Variants in CNOT2 observed in about 807,000 individuals in gnomAD.
CNOT2 encodes the protein CCR4-NOT transcription complex subunit 2.
Under a neutral mutation model 72.1 loss-of-function variants are expected in CNOT2, and 7 were observed. That is an observed-to-expected ratio of 0.10 (90% CI 0.06 to 0.18). The LOEUF (loss-of-function observed/expected upper bound fraction) is 0.18. Among genes scored for constraint, CNOT2 ranks in the 10% least tolerant of loss-of-function variants. The pLI is 1.00. For synonymous variants in CNOT2, 196 were observed against 225.6 expected, an observed-to-expected ratio of 0.87 and a Z score of 1.17; for missense variants, 345 against 660.3, an observed-to-expected ratio of 0.52 and a Z score of 5.23.
intron 4 of CNOT2, chr12:70,327,682 C>A (rs1444810827): frequency 6.6e-6 from 1 of 151,856 alleles, no homozygotes; most frequent in East Asian, 1.9e-4. Flanking sequence ...TTCAGGACAG[C>A]ATGTTTAGGG....
chr12:70,312,398 G>T (rs1177845747), intron 3 of CNOT2, among the ~76,000 whole-genome samples: 1 of 151,870 alleles, frequency 6.6e-6, no homozygotes, highest in Non-Finnish European at 1.5e-5. Context: ...CTGATGAAAT[G>T]CATTTATTCT....
rs118076002 is a variant in CNOT2, at chr12:70,340,629, C to T, written c.1179-1478C>T. On this transcript the variant is annotated intron_variant, in intron 11 of 15. Transcript: ENST00000229195. ...TTCTTAACTCCTCTTTCTTTTATAC[C>T]CCATAATCAGGCTTTTCCCAAAATA... is the stretch of plus-strand genomic sequence containing the variant. Among the ~76,000 whole-genome samples, 20 of 152,098 alleles carry T rather than the reference C, an allele frequency of 1.3e-4. No homozygotes were observed. In the East Asian group the frequency reaches 3.3e-3, roughly 25 times the overall value.
intron 2 of CNOT2, chr12:70,307,951 C>G (rs1013026117): frequency 6.6e-6 from 1 of 151,554 alleles, no homozygotes; most frequent in Admixed American, 6.6e-5. Context: ...CCTAAATCCT[C>G]TCTTGATTTC....
At chr12:70,281,093 T>C (rs1233937147) in intron 2 of CNOT2, among the ~76,000 whole-genome samples, 1 of 151,022 alleles carries the variant, frequency 6.6e-6, no homozygotes, top group Non-Finnish European at 1.5e-5. Flanking sequence ...CCTTTTTTTT[T>C]TTTTTTCTTT....
intron 7 of CNOT2, among the ~76,000 whole-genome samples, chr12:70,333,345 A>G (rs1020885009): frequency 2.0e-5 from 3 of 152,058 alleles, no homozygotes; most frequent in Admixed American, 6.6e-5. Flanking sequence ...ATTCAGTTTT[A>G]TGTATAAAAT....
intron 15 of CNOT2, among the ~76,000 whole-genome samples, chr12:70,346,876 CACTT>C (rs748142603): frequency 4.0e-5 from 6 of 151,530 alleles, no homozygotes; most frequent in Non-Finnish European, 8.8e-5. Flanking sequence ...AACTTTTCCT[CACTT>C]AAACGCCTTT....
At chr12:70,289,012 GCTTT>G (rs1871399455) in intron 2 of CNOT2, among the ~76,000 whole-genome samples, 1 of 148,880 alleles carries the variant, frequency 6.7e-6, no homozygotes, top group Non-Finnish European at 1.5e-5. Flanking sequence ...CTCTCCTTTC[GCTTT>G]TTTTTTATTC....
At chr12:70,260,289 C>G (rs902200249) in intron 1 of CNOT2, among the ~76,000 whole-genome samples, 1 of 151,742 alleles carries the variant, frequency 6.6e-6, no homozygotes, top group Non-Finnish European at 1.5e-5. Flanking sequence ...AATTGAGTAC[C>G]AAAATAGACT....
chr12:70,297,765 T>G (rs2135896109), intron 2 of CNOT2: 1 of 370,202 alleles, frequency 2.7e-6, no homozygotes, highest in Non-Finnish European at 5.3e-6. Flanking sequence ...TGAGACGTGG[T>G]CTCACTCTGT....
At chr12:70,282,848 T>A (rs560435058) in intron 2 of CNOT2, among the ~76,000 whole-genome samples, 1 of 152,212 alleles carries the variant, frequency 6.6e-6, no homozygotes, top group South Asian at 2.1e-4. Context: ...CCATATTTTA[T>A]TATTTTGAGT....
intron 15 of CNOT2, 133 bp from the exon 16 acceptor site, chr12:70,353,696 A>G: frequency 7.1e-7 from 1 of 1,404,784 alleles, no homozygotes; most frequent in South Asian, 1.4e-5. Flanking sequence ...GTAGAGGAAA[A>G]ACAGTTGGTA....
intron 2 of CNOT2, among the ~76,000 whole-genome samples, chr12:70,302,522 G>A (rs1874235913): frequency 6.6e-6 from 1 of 152,170 alleles, no homozygotes; most frequent in South Asian, 2.1e-4. Context: ...GTAGTTGAGA[G>A]GTTTTGAGTG....
At chr12:70,271,036 G>T (rs1054270864) in intron 1 of CNOT2, among the ~76,000 whole-genome samples, 3 of 152,170 alleles carry the variant, frequency 2.0e-5, no homozygotes, top group Admixed American at 2.0e-4. Flanking sequence ...CATATCTGGA[G>T]GAATGGAAGC....
At chr12:70,340,474 C>A (rs1166260575) in intron 11 of CNOT2, among the ~76,000 whole-genome samples, 1 of 152,148 alleles carries the variant, frequency 6.6e-6, no homozygotes, top group African/African-American at 2.4e-5. Context: ...TTCCACACTT[C>A]TGAGTTTGAG....
chr12:70,274,797 GTTTGT>G (rs1267601002), intron 1 of CNOT2, among the ~76,000 whole-genome samples: 1 of 152,022 alleles, frequency 6.6e-6, no homozygotes, highest in Admixed American at 6.6e-5. Flanking sequence ...TTGGGGTCTG[GTTTGT>G]TTCCTGTAAT....
chr12:70,304,177 C>A (rs758628440), intron 2 of CNOT2, among the ~76,000 whole-genome samples: 5 of 151,622 alleles, frequency 3.3e-5, no homozygotes, highest in Non-Finnish European at 7.4e-5. Context: ...GTAGTTTGAT[C>A]TTCTGAAGCC....
At position 70,344,004 on chromosome 12, in the gene CNOT2, A is replaced by C. The variant is rs148192435; in HGVS notation, c.1291-124A>C. On this transcript the variant is annotated intron_variant, in intron 13 of 15. Transcript: ENST00000229195. ...CCTATCTGTGTAATCATGTAATAAC[A>C]GTTATCTACTACAAAGTGGGGAGTT... 2.0e-4 allele frequency: 112 copies of C among 574,066 alleles called. No homozygotes were observed. The East Asian group carries it at 3.2e-3, about 16-fold the overall frequency. The allele number at this position is 574,066 out of a possible 1,614,324, so 35.6% of individuals were successfully genotyped here.
intron 1 of CNOT2, among the ~76,000 whole-genome samples, chr12:70,257,536 A>ATT (rs889463708): frequency 1.4e-5 from 2 of 141,686 alleles, no homozygotes; most frequent in Admixed American, 7.0e-5. Context: ...ATTTTTTTGT[A>ATT]TTTTTTTTTT....
At chr12:70,327,151 A>AG (rs1199852957) in intron 4 of CNOT2, among the ~76,000 whole-genome samples, 3 of 151,898 alleles carry the variant, frequency 2.0e-5, no homozygotes, top group Admixed American at 6.6e-5. Context: ...GGGGGCCAAA[A>AG]GGGCACTAAT....
Sources: allele counts gnomAD v4.1 joint callset (sites outside exome capture counted in the v4.1 genomes callset), GRCh38; gene constraint gnomAD v4.1.1; transcripts MANE v1.5; gene names NCBI Gene and HGNC (gene_info 2026-07-23, HGNC 2026-07-21).